Variants in DPP10 observed in about 807,000 individuals in gnomAD.
DPP10 encodes the protein dipeptidyl peptidase like 10.
DPP10 carries 33 observed loss-of-function variants against 120.9 expected under a neutral mutation model. The ratio of observed to expected loss-of-function variants is 0.27; its 90% CI spans 0.21 to 0.37. The LOEUF (loss-of-function observed/expected upper bound fraction) is 0.37. Among genes scored for constraint, DPP10 ranks in the 10% least tolerant of loss-of-function variants. The probability of loss-of-function intolerance (pLI) is 1.00; values close to 1 mark genes in which losing one functional copy is unlikely to be tolerated. For synonymous variants in DPP10, 337 were observed against 326.1 expected, an observed-to-expected ratio of 1.03 and a Z score of -0.36; for missense variants, 816 against 942.8, an observed-to-expected ratio of 0.87 and a Z score of 1.76.
intron 3 of DPP10, among the ~76,000 whole-genome samples, chr2:115,486,196 T>C (rs539717522): frequency 2.6e-5 from 4 of 151,996 alleles, no homozygotes; most frequent in Non-Finnish European, 5.9e-5. Context: ...TGTATGTCAA[T>C]ATGCTGATAT....
chr2:115,518,568 C>T (rs2077627282), intron 4 of DPP10, among the ~76,000 whole-genome samples: 1 of 151,854 alleles, frequency 6.6e-6, no homozygotes, highest in Non-Finnish European at 1.5e-5. Context: ...AATTGCAAAG[C>T]TTTTGGTAAC....
chr2:114,682,744 A>ATATC (rs71989484), intron 1 of DPP10, among the ~76,000 whole-genome samples: 120 of 149,716 alleles, frequency 8.0e-4, no homozygotes, highest in Middle Eastern at 3.4e-3. Context: ...GTAAGATTTT[A>ATATC]TATCTATCTA....
intron 1 of DPP10, among the ~76,000 whole-genome samples, chr2:115,257,727 T>C (rs1346646632): frequency 2.6e-5 from 4 of 152,166 alleles, no homozygotes; most frequent in African/African-American, 9.7e-5. Flanking sequence ...GTTTCAGATG[T>C]TGAGTATTTT....
chr2:114,929,815 A>T (rs912555436), intron 1 of DPP10, among the ~76,000 whole-genome samples: 1 of 152,250 alleles, frequency 6.6e-6, no homozygotes, highest in Non-Finnish European at 1.5e-5. Context: ...AAGAGTATTG[A>T]TTGAGGAAGT....
At chr2:115,515,682 T>C (rs1284945004) in intron 4 of DPP10, among the ~76,000 whole-genome samples, 1 of 152,110 alleles carries the variant, frequency 6.6e-6, no homozygotes, top group African/African-American at 2.4e-5. Flanking sequence ...AATAAACCTT[T>C]ATCTGTTGAA....
intron 1 of DPP10, among the ~76,000 whole-genome samples, chr2:114,757,309 A>G (rs1001194281): frequency 2.2e-5 from 3 of 138,062 alleles, no homozygotes; most frequent in African/African-American, 5.4e-5. Context: ...AGGAAGAGGG[A>G]AGGGAGAAAG....
rs140834000 is a variant in DPP10 at position 114,976,032 on chromosome 2, C to A, written c.61-333207C>A. ...TTTAAAATAAACCAAATAAGTTTTACTTGATTTAATGAAAGTGAAATAATT... is the reference window on the plus strand; with the variant it reads ...TTTAAAATAAACCAAATAAGTTTTAATTGATTTAATGAAAGTGAAATAATT... On this transcript the variant is annotated intron_variant, in intron 1 of 25. Coordinates refer to ENST00000410059, the MANE Select transcript of DPP10 (RefSeq NM_020868.6). 2.9e-3 allele frequency among the ~76,000 whole-genome samples: 440 copies of A among 152,224 alleles called. 7 individuals carry two copies. The highest frequency in any genetic ancestry group is 4.0e-3 in the Non-Finnish European group (271 of 68,012).
At chr2:115,806,353 G>T (rs576905353) in intron 19 of DPP10, among the ~76,000 whole-genome samples, 2 of 152,058 alleles carry the variant, frequency 1.3e-5, no homozygotes, top group South Asian at 2.1e-4. Context: ...GCTATATGTC[G>T]GTTTACTAAG....
chr2:114,936,219 T>C (rs2104532038), intron 1 of DPP10, among the ~76,000 whole-genome samples: 1 of 152,164 alleles, frequency 6.6e-6, no homozygotes, highest in Middle Eastern at 3.4e-3. Context: ...GCTCGCACTT[T>C]AAGAGTGAGA....
chr2:115,005,975 G>A (rs1162685845), intron 1 of DPP10, among the ~76,000 whole-genome samples: 2 of 152,010 alleles, frequency 1.3e-5, no homozygotes, highest in African/African-American at 2.4e-5. Context: ...GAGAAAGGTC[G>A]GGTTACCCTC....
At chr2:114,662,975 G>A (rs1697545960) in intron 1 of DPP10, among the ~76,000 whole-genome samples, 1 of 152,132 alleles carries the variant, frequency 6.6e-6, no homozygotes, top group Non-Finnish European at 1.5e-5. Context: ...CTGTTCATTA[G>A]TTTATGCGGA....
chr2:115,752,951 A>G (rs1486772085), intron 10 of DPP10, among the ~76,000 whole-genome samples: 1 of 152,164 alleles, frequency 6.6e-6, no homozygotes, highest in African/African-American at 2.4e-5. Context: ...ACATATGTAT[A>G]CATCCATGTG....
chr2:114,906,484 A>C (rs1693974546), intron 1 of DPP10, among the ~76,000 whole-genome samples: 1 of 151,586 alleles, frequency 6.6e-6, no homozygotes. Flanking sequence ...TTTTAACGTG[A>C]TGTTAGTTTA....
intron 1 of DPP10, among the ~76,000 whole-genome samples, chr2:114,709,932 G>A (rs187878765): frequency 6.6e-6 from 1 of 152,196 alleles, no homozygotes; most frequent in African/African-American, 2.4e-5. Context: ...TTCATGCAGA[G>A]AAAGAAAGAT....
chr2:114,446,374 C>A lies in DPP10; in HGVS notation c.60+3536C>A, dbSNP rs762487040. On this transcript the variant is annotated intron_variant, in intron 1 of 25. Coordinates refer to ENST00000410059, the MANE Select transcript of DPP10 (RefSeq NM_020868.6). Reference sequence around the variant, plus strand: ...AAAATGAGTAGAGAAAATCCTTCATCCTTTTTGAAGTTATAAATTGTGAGT... The same window carrying A: ...AAAATGAGTAGAGAAAATCCTTCATACTTTTTGAAGTTATAAATTGTGAGT... Among the ~76,000 whole-genome samples the A allele has an allele frequency of 2.6e-5, 4 of 152,098 alleles. No homozygotes were observed. The East Asian group carries it at 7.7e-4, about 29-fold the overall frequency.
At chr2:114,988,798 C>G (rs1021669926) in intron 1 of DPP10, among the ~76,000 whole-genome samples, 1 of 152,156 alleles carries the variant, frequency 6.6e-6, no homozygotes, top group Non-Finnish European at 1.5e-5. Flanking sequence ...TTTGTTTACA[C>G]TGAATAAATC....
chr2:114,537,276 G>A (rs751712325), intron 1 of DPP10, among the ~76,000 whole-genome samples: 9 of 152,192 alleles, frequency 5.9e-5, no homozygotes, highest in East Asian at 1.9e-4. Context: ...ATTTTAGTAC[G>A]TTTATTCAGA....
intron 4 of DPP10, among the ~76,000 whole-genome samples, chr2:115,514,605 A>T (rs1176397764): frequency 6.6e-6 from 1 of 151,840 alleles, no homozygotes; most frequent in Non-Finnish European, 1.5e-5. Flanking sequence ...TATGAAGTTC[A>T]TTAGATACAT....
chr2:115,559,031 T>C (rs987196140), intron 5 of DPP10, among the ~76,000 whole-genome samples: 2 of 152,218 alleles, frequency 1.3e-5, no homozygotes, highest in African/African-American at 4.8e-5. Flanking sequence ...GATAAATAAA[T>C]ATCTTGGGAG....
Sources: allele counts gnomAD v4.1 joint callset (sites outside exome capture counted in the v4.1 genomes callset), GRCh38; gene constraint gnomAD v4.1.1; transcripts MANE v1.5; gene names NCBI Gene and HGNC (gene_info 2026-07-23, HGNC 2026-07-21).